The following SOX6 variants were observed in gnomAD, a reference collection of about 807,000 sequenced individuals.
SOX6 encodes SRY-box transcription factor 6.
A neutral mutation model predicts 97.8 loss-of-function variants in SOX6; 11 were observed. The observed-to-expected ratio is 0.11, with a 90% CI of 0.07 to 0.19. The LOEUF (loss-of-function observed/expected upper bound fraction) is 0.19, where lower values mean the gene tolerates loss of function less well. Among genes scored for constraint, SOX6 ranks in the 10% least tolerant of loss-of-function variants. SOX6 has a pLI of 1.00. For missense variants in SOX6, 810 were observed against 1,039.5 expected (o/e 0.78, Z 3.04); for synonymous variants, 360 against 371.4 (o/e 0.97, Z 0.35).
chr11:16,032,763 A>G (rs983794959), intron 12 of SOX6, among the ~76,000 whole-genome samples: 1 of 151,978 alleles, frequency 6.6e-6, no homozygotes, highest in Non-Finnish European at 1.5e-5. Context: ...TTCTCTCTTG[A>G]TTGAGCTGTC....
At chr11:16,043,504 T>A (rs1224851618) in intron 12 of SOX6, among the ~76,000 whole-genome samples, 2 of 152,138 alleles carry the variant, frequency 1.3e-5, no homozygotes, top group Admixed American at 1.3e-4. Context: ...AATGTTTCAT[T>A]TTAAAGTGCC....
At chr11:16,035,757 C>G (rs1314130675) in intron 12 of SOX6, among the ~76,000 whole-genome samples, 2 of 152,144 alleles carry the variant, frequency 1.3e-5, no homozygotes, top group African/African-American at 4.8e-5. Flanking sequence ...GTGAAGCTAT[C>G]AGATACAATA....
chr11:16,073,085 T>C (rs746664380), intron 9 of SOX6, among the ~76,000 whole-genome samples: 4 of 152,124 alleles, frequency 2.6e-5, no homozygotes, highest in African/African-American at 4.8e-5. Flanking sequence ...GGATCAAACC[T>C]GCACATATCA....
rs918939615 is a variant in SOX6, at chr11:16,382,457, G to A, written c.-4-41205C>T. The A allele has an allele frequency of 4.6e-5, 7 of 151,958 alleles. No individual in the cohort carries two copies. In the South Asian group the frequency reaches 8.3e-4, roughly 18 times the overall value. The allele number at this position is 151,958 out of a possible 1,614,324, so 9.4% of individuals were successfully genotyped here. ...TGTCTTGCACATGCACACAACAGAGGGAGGGAGAATAATTTGCTATTTGCA... is the reference window on the plus strand; with the variant it reads ...TGTCTTGCACATGCACACAACAGAGAGAGGGAGAATAATTTGCTATTTGCA... On this transcript the variant is annotated intron_variant, in intron 1 of 15. Transcript: ENST00000396356.
intron 13 of SOX6, among the ~76,000 whole-genome samples, chr11:16,008,030 T>C (rs1317432239): frequency 6.6e-6 from 1 of 152,068 alleles, no homozygotes. Flanking sequence ...ACCAAAATCC[T>C]CAGATGCCCA....
At chr11:16,526,859 T>C (rs780509417) in intron 4 of SOX6, among the ~76,000 whole-genome samples, 1 of 152,116 alleles carries the variant, frequency 6.6e-6, no homozygotes. Context: ...CATTGAGGAC[T>C]ACAGTCCTCT....
chr11:16,014,841 T>C (rs913555247), intron 13 of SOX6, 101 bp downstream of exon 13: 10 of 1,066,238 alleles, frequency 9.4e-6, no homozygotes, highest in South Asian at 1.3e-5. Flanking sequence ...AGAAATCTAG[T>C]GATGACTCCT....
At chr11:16,213,971 G>C (rs1375595563) in intron 4 of SOX6, among the ~76,000 whole-genome samples, 3 of 152,106 alleles carry the variant, frequency 2.0e-5, no homozygotes, top group Non-Finnish European at 4.4e-5. Flanking sequence ...CTCCCCAAAA[G>C]ACTTAGCCTT....
intron 4 of SOX6, among the ~76,000 whole-genome samples, chr11:16,219,665 T>C (rs1240650409): frequency 3.3e-5 from 5 of 152,014 alleles, no homozygotes; most frequent in African/African-American, 1.2e-4. Context: ...AAAAATACCA[T>C]TTGGATGAAA....
At chr11:16,451,842 T>C (rs1057295232) in intron 1 of SOX6, among the ~76,000 whole-genome samples, 3 of 151,902 alleles carry the variant, frequency 2.0e-5, no homozygotes, top group Admixed American at 6.6e-5. Flanking sequence ...GGACCAGACC[T>C]GGCAACATAG....
intron 15 of SOX6, among the ~76,000 whole-genome samples, chr11:15,974,524 A>G (rs570312159): frequency 7.0e-5 from 10 of 142,406 alleles, no homozygotes; most frequent in East Asian, 2.1e-4. Flanking sequence ...ATATCTCCCA[A>G]TGCTATCCCT....
intron 3 of SOX6, among the ~76,000 whole-genome samples, chr11:16,684,733 A>T (rs1273524898): frequency 6.6e-6 from 1 of 152,178 alleles, no homozygotes; most frequent in Non-Finnish European, 1.5e-5. Flanking sequence ...AGTATAATTT[A>T]AAAATAAATA....
At chr11:16,101,151 T>C (rs753386174) in intron 7 of SOX6, among the ~76,000 whole-genome samples, 1 of 151,670 alleles carries the variant, frequency 6.6e-6, no homozygotes, top group Non-Finnish European at 1.5e-5. Flanking sequence ...CAACCACTGA[T>C]GCAAACTTGA....
At chr11:16,591,318 C>CATAGATAGATAGATAGACGG (rs557537916) in intron 4 of SOX6, among the ~76,000 whole-genome samples, 1 of 123,444 alleles carries the variant, frequency 8.1e-6, no homozygotes, top group Admixed American at 8.6e-5. Context: ...TGGTTAGATA[C>CATAGATAGATAGATAGACGG]ATAGATAGAT....
intron 13 of SOX6, among the ~76,000 whole-genome samples, chr11:15,991,100 C>T (rs1437050380): frequency 6.6e-6 from 1 of 152,072 alleles, no homozygotes. Flanking sequence ...GAAGATTATA[C>T]AAAAATAACA....
At chr11:15,987,309 A>C (rs1390975370) in intron 14 of SOX6, among the ~76,000 whole-genome samples, 1 of 152,186 alleles carries the variant, frequency 6.6e-6, no homozygotes, top group African/African-American at 2.4e-5. Context: ...GCAGCCAGCA[A>C]TATCCTAGTC....
chr11:16,734,520 A>G (rs1848376748), intron 2 of SOX6, among the ~76,000 whole-genome samples: 1 of 151,906 alleles, frequency 6.6e-6, no homozygotes, highest in African/African-American at 2.4e-5. Context: ...GTTCTTTTCC[A>G]AGTATCTCTC....
At chr11:16,438,181 T>A (rs1435903603) in intron 1 of SOX6, among the ~76,000 whole-genome samples, 1 of 152,154 alleles carries the variant, frequency 6.6e-6, no homozygotes, top group Non-Finnish European at 1.5e-5. Flanking sequence ...CAAAATAAAC[T>A]GCAACTTATT....
intron 4 of SOX6, among the ~76,000 whole-genome samples, chr11:16,570,125 T>C (rs117894193): frequency 1.5e-3 from 229 of 152,280 alleles, no homozygotes; most frequent in Non-Finnish European, 2.9e-3. Context: ...TAAAACCTAC[T>C]CTGATTCCTA....
Sources: gnomAD v4.1 joint callset for allele counts (sites outside exome capture counted in the v4.1 genomes callset) on GRCh38, gnomAD v4.1.1 for gene constraint, MANE v1.5 for transcripts, NCBI Gene and HGNC (gene_info 2026-07-23, HGNC 2026-07-21) for gene names.